The following TENT5D variants were observed in gnomAD, a reference collection of about 807,000 sequenced individuals.
The protein encoded by TENT5D is terminal nucleotidyltransferase 5D.
For synonymous variants in TENT5D, 103 were observed against 100.6 expected, an observed-to-expected ratio of 1.02 and a Z score of -0.15; for missense variants, 191 against 287.0, an observed-to-expected ratio of 0.67 and a Z score of 2.42.
intron 3 of TENT5D, among the ~76,000 whole-genome samples, chrX:80,383,917 A>G (rs1394994478): frequency 3.6e-5 from 4 of 111,492 alleles, no homozygotes; most frequent in Non-Finnish European, 7.5e-5. Context: ...TTGAGGCAAT[A>G]ATTAATAGCT....
intron 1 of TENT5D, among the ~76,000 whole-genome samples, chrX:80,424,152 T>C (rs983227488): frequency 9.0e-6 from 1 of 111,084 alleles, no homozygotes; most frequent in Admixed American, 9.6e-5. Flanking sequence ...GGGTTTCTTT[T>C]GGGGCTGGCT....
chrX:80,405,357 T>C (rs1004543543), intron 3 of TENT5D, among the ~76,000 whole-genome samples: 4 of 112,180 alleles, frequency 3.6e-5, no homozygotes, highest in African/African-American at 1.3e-4. Flanking sequence ...TTCATCTCAC[T>C]AGGGAGTGCC....
chrX:80,439,739 A>G (rs1260076883), intron 2 of TENT5D, among the ~76,000 whole-genome samples: 4 of 110,784 alleles, frequency 3.6e-5, no homozygotes, highest in African/African-American at 1.3e-4. Context: ...CCATTGTGAC[A>G]TGTATTTTAT....
chrX:80,335,897 T>G (rs1473927384), intron 2 of TENT5D, among the ~76,000 whole-genome samples: 1 of 110,963 alleles, frequency 9.0e-6, no homozygotes, highest in Non-Finnish European at 1.9e-5. Flanking sequence ...GTATTCGCAC[T>G]AACTTTTTTT....
intron 3 of TENT5D, among the ~76,000 whole-genome samples, chrX:80,364,172 C>T (rs1930461446): frequency 1.8e-5 from 2 of 111,663 alleles, no homozygotes; most frequent in African/African-American, 3.3e-5. Flanking sequence ...TCAAAAACCC[C>T]ACTGCCTACT....
At chrX:80,432,965 T>C (rs1463120856) in intron 1 of TENT5D, among the ~76,000 whole-genome samples, 3 of 110,925 alleles carry the variant, frequency 2.7e-5, no homozygotes, top group Non-Finnish European at 3.8e-5. Context: ...TGGTGATTCA[T>C]AGGGGCTACT....
intron 3 of TENT5D, among the ~76,000 whole-genome samples, chrX:80,381,270 A>C (rs1271737321): frequency 1.8e-5 from 2 of 111,941 alleles, no homozygotes; most frequent in African/African-American, 6.5e-5. Context: ...TTTCTTTAAG[A>C]ATGTTGAATA....
intron 3 of TENT5D, among the ~76,000 whole-genome samples, chrX:80,342,767 G>C (rs1929983718): frequency 9.0e-6 from 1 of 111,694 alleles, no homozygotes. Flanking sequence ...TGACAATTAT[G>C]TTAATAAATA....
At chrX:80,443,142 T>C (rs1238280095) in exon 3 of TENT5D, 2 of 1,209,266 alleles carry the variant, frequency 1.7e-6, no homozygotes, top group African/African-American at 3.5e-5. Flanking sequence ...CCTATCCTGT[T>C]GTGGTAGCTG....
At chrX:80,434,007 G>A (rs766115626) in intron 1 of TENT5D, among the ~76,000 whole-genome samples, 96 of 109,459 alleles carry the variant, frequency 8.8e-4, no homozygotes, top group African/African-American at 3.1e-3. Context: ...CGTGGTGGCA[G>A]GCGCCTGTAA....
intron 3 of TENT5D, among the ~76,000 whole-genome samples, chrX:80,410,896 A>G (rs1931646770): frequency 1.9e-5 from 2 of 106,309 alleles, no homozygotes; most frequent in Non-Finnish European, 3.9e-5. Flanking sequence ...CATATACACC[A>G]TGGAATACTA....
intron 3 of TENT5D, among the ~76,000 whole-genome samples, chrX:80,384,726 G>C (rs1012349850): frequency 9.5e-6 from 1 of 105,543 alleles, no homozygotes; most frequent in Non-Finnish European, 1.9e-5. Flanking sequence ...CTTCAGCAAA[G>C]TCTCAGGATA....
At chrX:80,351,292 G>T (rs1326519268) in intron 3 of TENT5D, among the ~76,000 whole-genome samples, 3 of 109,501 alleles carry the variant, frequency 2.7e-5, no homozygotes, top group Non-Finnish European at 5.7e-5. Flanking sequence ...ATCAATCGTA[G>T]GTTTGGTCTT....
At chrX:80,347,268 G>T (rs1395645443) in intron 3 of TENT5D, among the ~76,000 whole-genome samples, 1 of 111,529 alleles carries the variant, frequency 9.0e-6, no homozygotes, top group Non-Finnish European at 1.9e-5. Context: ...CTTCCACAAT[G>T]GTTGAACTAA....
intron 3 of TENT5D, among the ~76,000 whole-genome samples, chrX:80,403,028 G>A (rs1039510515): frequency 2.7e-5 from 3 of 111,870 alleles, no homozygotes; most frequent in Non-Finnish European, 5.6e-5. Context: ...TCCCTATGGT[G>A]TAAAATTATT....
chrX:80,443,253 G>A (rs374933664), exon 3 of TENT5D: 1 of 1,209,585 alleles, frequency 8.3e-7, no homozygotes, highest in African/African-American at 1.7e-5. Context: ...GCCTTCTGAA[G>A]TACTGCAGCT....
At chrX:80,357,114 G>A (rs1930300610) in intron 3 of TENT5D, among the ~76,000 whole-genome samples, 1 of 112,036 alleles carries the variant, frequency 8.9e-6, no homozygotes, top group Non-Finnish European at 1.9e-5. Flanking sequence ...TGGCTGCATA[G>A]TATTCTGTGG....
At chrX:80,357,870 A>T (rs1319275123) in intron 3 of TENT5D, among the ~76,000 whole-genome samples, 1 of 111,889 alleles carries the variant, frequency 8.9e-6, no homozygotes, top group African/African-American at 3.3e-5. Flanking sequence ...AATTCTAAGC[A>T]AAACGAACAA....
chrX:80,443,638 C>T, exon 3 of TENT5D: 1 of 1,208,840 alleles, frequency 8.3e-7, no homozygotes, highest in East Asian at 3.0e-5. Flanking sequence ...TTATGTAATA[C>T]CTGAGCCACC....
Sources: gnomAD v4.1 joint callset for allele counts (sites outside exome capture counted in the v4.1 genomes callset) on GRCh38, gnomAD v4.1.1 for gene constraint, MANE v1.5 for transcripts, NCBI Gene and HGNC (gene_info 2026-07-23, HGNC 2026-07-21) for gene names.